Variants in NECTIN4 observed in about 807,000 individuals in gnomAD.
NECTIN4 encodes nectin-4.
Under a neutral mutation model 51.7 loss-of-function variants are expected in NECTIN4, and 19 were observed. The observed-to-expected ratio is 0.37, with a 90% CI of 0.26 to 0.54. The LOEUF is 0.54. Among genes scored for constraint, NECTIN4 ranks in the 20% least tolerant of loss-of-function variants. NECTIN4 has a pLI of 0.86. For missense variants in NECTIN4, 619 were observed against 662.4 expected (o/e 0.93, Z 0.72); for synonymous variants, 283 against 286.9 (o/e 0.99, Z 0.14).
intron 1 of NECTIN4, among the ~76,000 whole-genome samples, chr1:161,082,349 G>A (rs1013093100): frequency 2.0e-5 from 3 of 152,008 alleles, no homozygotes; most frequent in African/African-American, 7.2e-5. Context: ...AAAAAATGAG[G>A]AGGAACAAGC....
intron 1 of NECTIN4, among the ~76,000 whole-genome samples, chr1:161,082,846 A>G (rs2101672822): frequency 6.6e-6 from 1 of 152,244 alleles, no homozygotes; most frequent in Non-Finnish European, 1.5e-5. Flanking sequence ...CCTCTGCTTC[A>G]AACGCTGGTG....
At chr1:161,077,843 C>T in intron 2 of NECTIN4, 100 bp from the exon 3 acceptor site, 3 of 1,086,260 alleles carry the variant, frequency 2.8e-6, no homozygotes, top group Non-Finnish European at 2.6e-6. Context: ...AACTTTCAGG[C>T]CCCCTTTCCT....
At position 161,077,590 on chromosome 1, in the gene NECTIN4, T is replaced by A; in HGVS notation, c.593A>T (p.His198Leu). Residue 198 changes from histidine to leucine, a missense_variant, in exon 3 of 9, where the codon CAC becomes CTC. Physicochemically the swap from His to Leu is moderately conservative, Grantham distance 99 (BLOSUM62 -3). Around this residue, in one of 3 missense-constraint regions of NECTIN4, gnomAD observed 364 missense variants for 415.7 expected, o/e 0.88. Coordinates refer to ENST00000368012, the MANE Select transcript of NECTIN4 (RefSeq NM_030916.3). ...TGAGGTGACGGCAGCAGAGCGGGAG[T>A]GCTTGAAGGAACGGCTGGACGTTGT... ...KGTTSSRSFK[H>L]SRSAAVTSEF... 1 of 1,613,514 alleles carries A rather than the reference T, an allele frequency of 6.2e-7. No individual in the cohort carries two copies. The highest frequency in any genetic ancestry group is 8.5e-7 in the Non-Finnish European group (1 of 1,179,976).
intron 6 of NECTIN4, 37 bp downstream of exon 6, chr1:161,074,180 G>A: frequency 1.2e-6 from 2 of 1,613,332 alleles, no homozygotes; most frequent in South Asian, 1.1e-5. Context: ...TTTGTTCTCA[G>A]CTTAGTTCTA....
rs569058441 is a variant in NECTIN4, at chr1:161,077,508, C to T, written c.675G>A (p.Val225=). Reference sequence around the variant, plus strand: ...GGTCCTGGAGCAGGCCAGGATGGGACACCACACAAGTCAGTGGCTGCCCAT... The same window carrying T: ...GGTCCTGGAGCAGGCCAGGATGGGATACCACACAAGTCAGTGGCTGCCCAT... ...SMNGQPLTCV[V]SHPGLLQDQR... Residue 225 remains valine, a synonymous_variant, in exon 3 of 9, where the codon GTG becomes GTA. Coordinates refer to ENST00000368012, the MANE Select transcript of NECTIN4 (RefSeq NM_030916.3). The T allele has an allele frequency of 9.3e-6, 15 of 1,614,108 alleles. No individual in the cohort carries two copies. In the East Asian group the frequency reaches 2.9e-4, roughly 31 times the overall value.
At chr1:161,074,877 G>C (rs1653343974) in intron 4 of NECTIN4, 118 bp from the exon 5 acceptor site, 3 of 1,102,864 alleles carry the variant, frequency 2.7e-6, no homozygotes, top group Admixed American at 2.2e-5. Context: ...GCCGCAGGCT[G>C]TTCCCACGGT....
chr1:161,085,227 G>C (rs1653884936), intron 1 of NECTIN4, among the ~76,000 whole-genome samples: 1 of 151,964 alleles, frequency 6.6e-6, no homozygotes, highest in African/African-American at 2.4e-5. Context: ...CCACAGATTA[G>C]TGTCTGGGGA....
In NECTIN4 at chr1:161,072,374, A is replaced by G. The variant is rs1653210308; in HGVS notation, c.*287T>C. 1.9e-6 allele frequency: 1 copy of G among 525,926 alleles called. No individual in the cohort carries two copies. The highest frequency in any genetic ancestry group is 3.5e-6 in the Non-Finnish European group (1 of 288,178). 32.6% of individuals were successfully genotyped at this position (525,926 alleles called of 1,614,324 possible). On this transcript the variant is annotated 3_prime_UTR_variant, in exon 9 of 9. Transcript: ENST00000368012. ...TATGACAGCATAATACACACCACGG[A>G]CACAGTCACCCCTCCACGGACAGTC... is the stretch of plus-strand genomic sequence containing the variant.
Position 161,077,465 on chromosome 1 carries a change from G to A in NECTIN4, c.718C>T (p.Leu240Phe). The A allele has an allele frequency of 3.1e-6, 5 of 1,614,148 alleles. No individual in the cohort carries two copies. The highest frequency in any genetic ancestry group is 4.2e-6 in the Non-Finnish European group (5 of 1,180,034). ...TCCAAGTACTTACAGGACACGTGGA[G>A]GATGTGGGTGATCCTTTGGTCCTGG... The part of the protein sequence containing the change: ...LLQDQRITHI[L>F]HVSFLAEASV... The change falls in exon 3 of 9, where the codon CTC becomes TTC. Residue 240 changes from leucine to phenylalanine, a missense_variant. Physicochemically the swap from Leu to Phe is conservative, Grantham distance 22. This residue lies in a region of NECTIN4 where 364 missense variants were observed against 415.7 expected (regional missense o/e 0.88). Coordinates refer to ENST00000368012, the MANE Select transcript of NECTIN4 (RefSeq NM_030916.3).
At chr1:161,074,906 C>T in intron 4 of NECTIN4, 147 bp from the exon 5 acceptor site, 1 of 822,430 alleles carries the variant, frequency 1.2e-6, no homozygotes, top group South Asian at 1.7e-5. Flanking sequence ...CTCCACCAGG[C>T]AGGTCTAGGC....
chr1:161,083,949 C>A (rs1446451257), intron 1 of NECTIN4, among the ~76,000 whole-genome samples: 2 of 152,240 alleles, frequency 1.3e-5, no homozygotes, highest in Admixed American at 6.5e-5. Flanking sequence ...TGACACCCAG[C>A]CATCAAGAGC....
intron 1 of NECTIN4, among the ~76,000 whole-genome samples, chr1:161,081,665 A>G (rs1421483696): frequency 6.6e-6 from 1 of 152,056 alleles, no homozygotes; most frequent in Non-Finnish European, 1.5e-5. Context: ...TCTGCCCAGC[A>G]AGCCACACAC....
At chr1:161,079,133 G>T in intron 2 of NECTIN4, among the ~76,000 whole-genome samples, 1 of 152,202 alleles carries the variant, frequency 6.6e-6, no homozygotes, top group East Asian at 1.9e-4. Context: ...TCACATTCAG[G>T]ACCCACATTG....
intron 1 of NECTIN4, among the ~76,000 whole-genome samples, chr1:161,082,410 G>A (rs954802470): frequency 6.6e-6 from 1 of 152,090 alleles, no homozygotes; most frequent in African/African-American, 2.4e-5. Context: ...GGTGGAGGCA[G>A]GATAGGCTGG....
At chr1:161,080,076 C>A in intron 1 of NECTIN4, 127 bp from the exon 2 acceptor site, 1 of 1,126,174 alleles carries the variant, frequency 8.9e-7, no homozygotes, top group Non-Finnish European at 1.2e-6. Context: ...AAAGCACATT[C>A]AGTTCATTAC....
rs1571153047 is a variant in NECTIN4 at position 161,079,797 on chromosome 1, CCT to C, written c.230_231del (p.Gln77ArgfsTer45). The C allele has an allele frequency of 6.2e-7, 1 of 1,613,402 alleles. No homozygotes were observed. The highest frequency in any genetic ancestry group is 1.6e-4 in the Middle Eastern group (1 of 6,062). On this transcript the variant is annotated frameshift_variant, in exon 2 of 9. Transcript: ENST00000368012. LOFTEE classifies it high-confidence loss of function. The stretch of plus-strand genomic sequence containing the variant: ...TATTTGGAGTGCAGTAGCGCTAGTT[CCT>C]GGGCGCCTTCGCCCGCGTCCACCCG... ...WARVDAGEGAQELALLHSKYG... is the reference protein window; with the variant it reads ...WARVDAGEGAXELALLHSKYG...
chr1:161,081,212 A>G (rs770050801), intron 1 of NECTIN4, among the ~76,000 whole-genome samples: 5 of 152,178 alleles, frequency 3.3e-5, no homozygotes, highest in Non-Finnish European at 7.3e-5. Context: ...GGGAACTTCC[A>G]TACCAGCAAA....
At chr1:161,073,910 C>A (rs925793143) in intron 6 of NECTIN4, 115 bp from the exon 7 acceptor site, 193 of 950,396 alleles carry the variant, frequency 2.0e-4, no homozygotes, top group Middle Eastern at 6.5e-4. Context: ...CGTGCTGGCC[C>A]TGCAAGTGTG....
At chr1:161,083,422 G>A (rs545105177) in intron 1 of NECTIN4, among the ~76,000 whole-genome samples, 23 of 152,306 alleles carry the variant, frequency 1.5e-4, no homozygotes, top group African/African-American at 4.3e-4. Context: ...TCAGCCTGGC[G>A]TCAGCATGAT....
Sources: gnomAD v4.1 joint callset for allele counts (sites outside exome capture counted in the v4.1 genomes callset) on GRCh38, gnomAD v4.1.1 for gene constraint, gnomAD v4.1.1 regional missense constraint, MANE v1.5 for transcripts, NCBI Gene and HGNC (gene_info 2026-07-23, HGNC 2026-07-21) for gene names.